PCDHA3: variants seen among roughly 807,000 people sequenced by gnomAD.
PCDHA3 encodes the protein protocadherin alpha 3.
Under a neutral mutation model 62.2 loss-of-function variants are expected in PCDHA3, and 41 were observed. The ratio of observed to expected loss-of-function variants is 0.66; its 90% CI spans 0.51 to 0.86. The LOEUF (loss-of-function observed/expected upper bound fraction) is 0.86, where lower values mean the gene tolerates loss of function less well. Ranked by LOEUF, PCDHA3 falls within the 40% of genes least tolerant of loss-of-function variation. PCDHA3 has a pLI of 0.00. For synonymous variants in PCDHA3, 640 were observed against 555.4 expected (o/e 1.15, Z -2.14); for missense variants, 1,304 against 1,241.2 (o/e 1.05, Z -0.76).
At chr5:140,870,442 G>C (rs1562644426) in intron 1 of PCDHA3, 2 of 1,614,236 alleles carry the variant, frequency 1.2e-6, no homozygotes, top group Non-Finnish European at 1.7e-6. Context: ...GGTGGCCGAC[G>C]TGAACGACAA....
rs2150314365 is a variant in PCDHA3 at position 140,841,377 on chromosome 5, T to C, written c.2394+37786T>C. On this transcript the variant is annotated intron_variant, in intron 1 of 3. Transcript: ENST00000522353. ...TCCTGGCGACTACTACTCTTGCTTC[T>C]GCTCCTCGCAGCCTGGAAGGTGGGG... is the stretch of plus-strand genomic sequence containing the variant. 2.2e-5 allele frequency: 35 copies of C among 1,613,546 alleles called. No homozygotes were observed. The South Asian group carries it at 2.3e-4, about 11-fold the overall frequency.
intron 1 of PCDHA3, chr5:140,876,487 G>A (rs782413739): frequency 4.3e-6 from 7 of 1,613,904 alleles, no homozygotes; most frequent in Non-Finnish European, 5.9e-6. Flanking sequence ...GGTCCTGGTG[G>A]AAGTTCTGGA....
Position 140,982,613 on chromosome 5 carries a change from A to G in PCDHA3, c.2542+50A>G, listed in dbSNP as rs201150239. ...CTTTCTTGGTTTCTGGAAAGTGATC[A>G]GATGACCTACTTTTGTAAGATCAGG... On this transcript the variant is annotated intron_variant, in intron 3 of 3. Transcript: ENST00000522353. 2.7e-5 allele frequency: 43 copies of G among 1,599,298 alleles called. No individual in the cohort carries two copies. The Admixed American group carries it at 7.0e-4, about 26-fold the overall frequency.
rs782575320 is a variant in PCDHA3 at position 140,802,690 on chromosome 5, G to T, written c.1493G>T (p.Arg498Leu). ...ALVSYSLVERRVGERALSSYV... is the reference protein window; with the variant it reads ...ALVSYSLVERLVGERALSSYV... ...GTGTCCTACTCGCTGGTGGAACGGC[G>T]GGTGGGGGAGCGCGCGCTGTCGAGC... is the stretch of plus-strand genomic sequence containing the variant. The change falls in exon 1 of 4, where the codon CGG becomes CTG. Residue 498 changes from arginine (R) to leucine (L), a missense_variant. Arg to Leu is a moderately radical substitution (Grantham distance 102). Coordinates refer to ENST00000522353, the MANE Select transcript of PCDHA3 (RefSeq NM_018906.3). 1 of 1,612,966 alleles carries T rather than the reference G, an allele frequency of 6.2e-7. No homozygotes were observed.
intron 1 of PCDHA3, chr5:140,808,728 G>T (rs559957887): frequency 6.2e-7 from 1 of 1,612,192 alleles, no homozygotes; most frequent in African/African-American, 1.3e-5. Context: ...CATGCGGAGA[G>T]CGGCAAGGTG....
chr5:140,974,994 A>C (rs901871984), intron 1 of PCDHA3, among the ~76,000 whole-genome samples: 8 of 152,126 alleles, frequency 5.3e-5, no homozygotes, highest in African/African-American at 1.9e-4. Flanking sequence ...AGGTATTCTC[A>C]AGGCTGAAAT....
In PCDHA3 at chr5:140,877,342, G is replaced by A. The variant is rs1462091033; in HGVS notation, c.2394+73751G>A. On this transcript the variant is annotated intron_variant, in intron 1 of 3. Coordinates refer to ENST00000522353, the MANE Select transcript of PCDHA3 (RefSeq NM_018906.3). ...GGTCGGCGCGCACATCCCGTTCCACGTGGGGCTGTACACTGGCGAGATCAG... is the reference window on the plus strand; with the variant it reads ...GGTCGGCGCGCACATCCCGTTCCACATGGGGCTGTACACTGGCGAGATCAG... 5 of 1,613,904 alleles carry A rather than the reference G, an allele frequency of 3.1e-6. No individual in the cohort carries two copies. The African/African-American group carries it at 6.7e-5, about 22-fold the overall frequency.
chr5:140,974,782 C>T (rs1211935245), intron 1 of PCDHA3, among the ~76,000 whole-genome samples: 11 of 152,150 alleles, frequency 7.2e-5, no homozygotes, highest in African/African-American at 2.7e-4. Context: ...GCCACTGCGC[C>T]CAGCCCTCAT....
intron 1 of PCDHA3, among the ~76,000 whole-genome samples, chr5:140,935,416 A>G (rs35902736): frequency 0.059 from 8,919 of 152,326 alleles, 374 homozygotes; most frequent in Non-Finnish European, 0.083. Context: ...ATGGACTTAG[A>G]AAACAATTTC....
intron 1 of PCDHA3, among the ~76,000 whole-genome samples, chr5:140,833,122 G>T (rs1772311548): frequency 6.6e-6 from 1 of 152,190 alleles, no homozygotes; most frequent in Non-Finnish European, 1.5e-5. Context: ...AAAGTCATTT[G>T]AAAGCTGTCA....
At chr5:140,861,700 T>C (rs2047027429) in intron 1 of PCDHA3, 1 of 222,356 alleles carries the variant, frequency 4.5e-6, no homozygotes, top group Non-Finnish European at 9.0e-6. Flanking sequence ...GTGTCTGTGA[T>C]GCCGACGTCG....
At chr5:140,953,988 A>G (rs1554221181) in intron 1 of PCDHA3, among the ~76,000 whole-genome samples, 1 of 151,898 alleles carries the variant, frequency 6.6e-6, no homozygotes, top group African/African-American at 2.4e-5. Flanking sequence ...TCATATTTTC[A>G]TGTGTACTCA....
chr5:140,999,614 A>G (rs572897182), intron 3 of PCDHA3, among the ~76,000 whole-genome samples: 1 of 152,302 alleles, frequency 6.6e-6, no homozygotes, highest in African/African-American at 2.4e-5. Flanking sequence ...GGACCTTATC[A>G]ACCAGGAAAC....
chr5:140,830,435 A>G (rs1771062233), intron 1 of PCDHA3: 2 of 1,613,132 alleles, frequency 1.2e-6, no homozygotes, highest in African/African-American at 2.7e-5. Context: ...TTGTCCTATT[A>G]TGATGGGTAA....
At position 140,929,057 on chromosome 5, in the gene PCDHA3, C is replaced by G. The variant is rs17844370; in HGVS notation, c.2395-49892C>G. The stretch of plus-strand genomic sequence containing the variant: ...TGCGCTCAGAGCTGCTGTCGCTCTA[C>G]AGAGGATCTGAGGTATGGAAGTAAG... On this transcript the variant is annotated intron_variant, in intron 1 of 3. Coordinates refer to ENST00000522353, the MANE Select transcript of PCDHA3 (RefSeq NM_018906.3). 3 of 1,614,070 alleles carry G rather than the reference C, an allele frequency of 1.9e-6. No individual in the cohort carries two copies. The African/African-American group carries it at 4.0e-5, about 22-fold the overall frequency.
intron 1 of PCDHA3, among the ~76,000 whole-genome samples, chr5:140,923,099 G>A (rs1164124655): frequency 6.6e-6 from 1 of 152,168 alleles, no homozygotes; most frequent in Non-Finnish European, 1.5e-5. Flanking sequence ...ACCAATGGGA[G>A]TATGATTTTA....
Position 140,994,560 on chromosome 5 carries a change from C to T in PCDHA3, c.2542+11997C>T, listed in dbSNP as rs140191916. Among the ~76,000 whole-genome samples, 970 of 152,032 alleles carry T rather than the reference C, an allele frequency of 6.4e-3. 14 individuals carry two copies. Among genetic ancestry groups the T allele is most frequent in the African/African-American group, 0.023 (943 of 41,474 alleles). On this transcript the variant is annotated intron_variant, in intron 3 of 3. Coordinates refer to ENST00000522353, the MANE Select transcript of PCDHA3 (RefSeq NM_018906.3). ...TCTACAAAAAAAATATAAAAATTAG[C>T]CGGGTGTGGTGGCATGCACTTGTAG...
At chr5:140,841,710 C>T (rs574481490) in intron 1 of PCDHA3, 1 of 1,613,856 alleles carries the variant, frequency 6.2e-7, no homozygotes, top group South Asian at 1.1e-5. Context: ...AATGACAACC[C>T]GCCAGTGTTC....
Position 140,849,718 on chromosome 5 carries a change from T to C in PCDHA3, c.2394+46127T>C, listed in dbSNP as rs2150446533. The C allele has an allele frequency of 2.5e-6, 4 of 1,598,570 alleles. 1 individual carries two copies. Among genetic ancestry groups the C allele is most frequent in the Non-Finnish European group, 3.4e-6 (4 of 1,168,006 alleles). On this transcript the variant is annotated intron_variant, in intron 1 of 3. Coordinates refer to ENST00000522353, the MANE Select transcript of PCDHA3 (RefSeq NM_018906.3). Reference sequence around the variant, plus strand: ...ACCTACAAGAATTACTACTCGTTGGTGCTGGACAGAGCTCTGGACCGCGAG... The same window carrying C: ...ACCTACAAGAATTACTACTCGTTGGCGCTGGACAGAGCTCTGGACCGCGAG...
Sources: gnomAD v4.1 joint callset for allele counts (sites outside exome capture counted in the v4.1 genomes callset) on GRCh38, gnomAD v4.1.1 for gene constraint, MANE v1.5 for transcripts, NCBI Gene and HGNC (gene_info 2026-07-23, HGNC 2026-07-21) for gene names.